Variants in PCDHGA3 observed in about 807,000 individuals in gnomAD.
PCDHGA3 encodes the protein protocadherin gamma subfamily A, 3, also known as protocadherin gamma-A3.
In PCDHGA3, 40 loss-of-function variants were observed where a neutral mutation model predicts 58.5. That is an observed-to-expected ratio of 0.68 (90% confidence interval 0.53 to 0.89). PCDHGA3 has a LOEUF of 0.89. PCDHGA3 is among the 40% of genes least tolerant of loss of function. The pLI, the probability that PCDHGA3 is intolerant of heterozygous loss-of-function variation, is 0.00. For synonymous variants in PCDHGA3, 530 were observed against 525.7 expected, an observed-to-expected ratio of 1.01 and a Z score of -0.11; for missense variants, 1,223 against 1,195.9, an observed-to-expected ratio of 1.02 and a Z score of -0.33.
At chr5:141,457,167 C>T (rs1465212183) in intron 1 of PCDHGA3, among the ~76,000 whole-genome samples, 1 of 152,114 alleles carries the variant, frequency 6.6e-6, no homozygotes, top group East Asian at 1.9e-4. Context: ...CATGGATAAC[C>T]CTATTGCAAA....
rs1282403944 is a variant in PCDHGA3 at position 141,485,452 on chromosome 5, G to A, written c.2425-9355G>A. ...TCATCAAGAACCCAATCGACCGAGA[G>A]GCACTGTGTGGGCTCAGTGCCAGCT... On this transcript the variant is annotated intron_variant, in intron 1 of 3. Transcript: ENST00000253812. The surrounding 1 kb of genome is among the most constrained non-coding windows in gnomAD (Gnocchi z 5.7). 2.5e-6 allele frequency: 4 copies of A among 1,614,054 alleles called. No individual in the cohort carries two copies. Among genetic ancestry groups the A allele is most frequent in the East Asian group, 4.5e-5 (2 of 44,884 alleles).
rs775705715 is a variant in PCDHGA3 at position 141,422,475 on chromosome 5, C to T, written c.2425-72332C>T. ...GCAGAGTGCTGGACAGGGAGTTGGT[C>T]CAGAGCTACAATATAACGTTGACAG... On this transcript the variant is annotated intron_variant, in intron 1 of 3. Coordinates refer to ENST00000253812, the MANE Select transcript of PCDHGA3 (RefSeq NM_018916.4). The T allele has an allele frequency of 7.4e-6, 12 of 1,613,672 alleles. No individual in the cohort carries two copies. The East Asian group carries it at 2.0e-4, about 27-fold the overall frequency.
At chr5:141,416,674 G>A (rs547618174) in intron 1 of PCDHGA3, 1 of 152,250 alleles carries the variant, frequency 6.6e-6, no homozygotes, top group South Asian at 2.1e-4. Flanking sequence ...TATATGCAAC[G>A]AAGGGAAATT....
In PCDHGA3 at chr5:141,486,030, C is replaced by T. The variant is rs2099623234; in HGVS notation, c.2425-8777C>T. 2 of 1,614,046 alleles carry T rather than the reference C, an allele frequency of 1.2e-6. No homozygotes were observed. Among genetic ancestry groups the T allele is most frequent in the African/African-American group, 1.3e-5 (1 of 74,918 alleles). On this transcript the variant is annotated intron_variant, in intron 1 of 3. Coordinates refer to ENST00000253812, the MANE Select transcript of PCDHGA3 (RefSeq NM_018916.4). This position sits in a 1 kb window ranked among gnomAD's most constrained non-coding sequence, Gnocchi z 5.0. ...ACCTTTTATTTCAGTGGTCATACCC[C>T]TGATCGTGTAAGAAACCTCTTTAGC...
At chr5:141,394,684 G>C in intron 1 of PCDHGA3, 1 of 1,612,090 alleles carries the variant, frequency 6.2e-7, no homozygotes, top group South Asian at 1.1e-5. Flanking sequence ...CTGCACACGG[G>C]CGAGGTGCGC....
At chr5:141,380,386 G>A (rs1776453740) in intron 1 of PCDHGA3, among the ~76,000 whole-genome samples, 1 of 152,168 alleles carries the variant, frequency 6.6e-6, no homozygotes. Flanking sequence ...AAAAAGAAAA[G>A]AGAGAAGATA....
intron 1 of PCDHGA3, chr5:141,396,643 A>C (rs1271446592): frequency 6.6e-6 from 1 of 152,180 alleles, no homozygotes; most frequent in Admixed American, 6.5e-5. Context: ...ACTAATATTA[A>C]TAGTAAAAAC....
chr5:141,344,322 G>T lies in PCDHGA3; in HGVS notation c.289G>T (p.Ala97Ser), dbSNP rs767083596. 6.8e-6 allele frequency: 11 copies of T among 1,613,940 alleles called. No homozygotes were observed. In the South Asian group the frequency reaches 7.7e-5, roughly 11 times the overall value. ...GAGGATAGACCGGGAGGAGCTCTGC[G>T]CTCAGATCCCGCTGTGTCTGGTAAA... ...AERIDREELCAQIPLCLVKIN... is the reference protein window; with the variant it reads ...AERIDREELCSQIPLCLVKIN... Residue 97 changes from alanine (A) to serine (S), a missense_variant, in exon 1 of 4, where the codon GCT becomes TCT. By Grantham distance (99) the Ala-to-Ser change is moderately conservative. Coordinates refer to ENST00000253812, the MANE Select transcript of PCDHGA3 (RefSeq NM_018916.4).
At chr5:141,415,740 G>GTTTTTTTTTTTTTTTTTGTTTTT (rs2095912994) in intron 1 of PCDHGA3, 1 of 515,998 alleles carries the variant, frequency 1.9e-6, no homozygotes. Flanking sequence ...GTTTATTAAG[G>GTTTTTTTTTTTTTTTTTGTTTTT]TTTTTTTTTT....
chr5:141,399,830 C>G (rs1304936728), intron 1 of PCDHGA3: 1 of 1,613,192 alleles, frequency 6.2e-7, no homozygotes. Flanking sequence ...CCCGACGGCT[C>G]TGCGCTCTTC....
intron 1 of PCDHGA3, chr5:141,364,946 A>G (rs1467919510): frequency 1.2e-6 from 2 of 1,613,848 alleles, no homozygotes; most frequent in East Asian, 4.5e-5. Flanking sequence ...CGAGAAAGAG[A>G]CTGTTCACGA....
chr5:141,461,269 TTC>T (rs1316205976), intron 1 of PCDHGA3, among the ~76,000 whole-genome samples: 4 of 152,186 alleles, frequency 2.6e-5, no homozygotes, highest in Admixed American at 2.0e-4. Flanking sequence ...TGTGTAAGTG[TTC>T]TCTTTTCCCC....
intron 1 of PCDHGA3, chr5:141,413,717 A>C: frequency 6.2e-7 from 1 of 1,613,382 alleles, no homozygotes; most frequent in Non-Finnish European, 8.5e-7. Flanking sequence ...CCCAATAAGC[A>C]CTTCTCCCTA....
At chr5:141,500,369 C>T (rs1034629981) in intron 2 of PCDHGA3, among the ~76,000 whole-genome samples, 4 of 151,866 alleles carry the variant, frequency 2.6e-5, no homozygotes, top group Admixed American at 6.6e-5. Flanking sequence ...CTACCACGCC[C>T]GGCTAATTAT....
intron 2 of PCDHGA3, among the ~76,000 whole-genome samples, chr5:141,495,690 G>A (rs1261694815): frequency 1.3e-5 from 2 of 152,172 alleles, no homozygotes; most frequent in East Asian, 3.9e-4. Context: ...TGGCATAAGT[G>A]CTCAATAAAT....
chr5:141,441,057 A>T (rs2098222263), intron 1 of PCDHGA3: 2 of 152,152 alleles, frequency 1.3e-5, no homozygotes, highest in South Asian at 4.1e-4. Flanking sequence ...ACTTTTAAAG[A>T]TTTTTAATTT....
In PCDHGA3 at chr5:141,476,255, G is replaced by A. The variant is rs767691159; in HGVS notation, c.2425-18552G>A. 6.2e-7 allele frequency: 1 copy of A among 1,614,090 alleles called. No individual in the cohort carries two copies. Among genetic ancestry groups the A allele is most frequent in the Admixed American group, 1.7e-5 (1 of 60,022 alleles). ...GGAGGAAAGAGAGAAGGGTTTCGCT[G>A]TGGGCAACGTGGTCGCGAACCTTGG... On this transcript the variant is annotated intron_variant, in intron 1 of 3. Transcript: ENST00000253812. The surrounding 1 kb of genome is among the most constrained non-coding windows in gnomAD (Gnocchi z 7.6).
intron 1 of PCDHGA3, among the ~76,000 whole-genome samples, chr5:141,454,985 A>G (rs1292477757): frequency 1.3e-5 from 2 of 150,314 alleles, no homozygotes; most frequent in African/African-American, 4.9e-5. Context: ...TTTTTTAAAA[A>G]ATATTTTTAG....
intron 1 of PCDHGA3, chr5:141,387,731 C>A (rs909205011): frequency 6.4e-6 from 8 of 1,254,262 alleles, no homozygotes; most frequent in East Asian, 2.5e-5. Flanking sequence ...CCAGCGCCAG[C>A]CTTTACACCG....
Sources: allele counts gnomAD v4.1 joint callset (sites outside exome capture counted in the v4.1 genomes callset), GRCh38; gene constraint gnomAD v4.1.1; non-coding constraint Gnocchi (gnomAD v3.1); transcripts MANE v1.5; gene names NCBI Gene and HGNC (gene_info 2026-07-23, HGNC 2026-07-21).